The following HMCN2 variants were observed in gnomAD, a reference collection of about 807,000 sequenced individuals.
HMCN2 encodes hemicentin-2.
Under a neutral mutation model 377.5 loss-of-function variants are expected in HMCN2, and 325 were observed. That is an observed-to-expected ratio of 0.86 (90% CI 0.79 to 0.94). The LOEUF is 0.94. Among genes scored for constraint, HMCN2 ranks in the 40% least tolerant of loss-of-function variants. The pLI is 0.00. For synonymous variants in HMCN2, 2,007 were observed against 2,046.8 expected, an observed-to-expected ratio of 0.98 and a Z score of 0.53; for missense variants, 4,543 against 4,725.3, an observed-to-expected ratio of 0.96 and a Z score of 1.13.
At chr9:130,430,658 C>T in intron 95 of HMCN2, 54 bp downstream of exon 95, 2 of 1,472,398 alleles carry the variant, frequency 1.4e-6, no homozygotes, top group South Asian at 2.7e-5. Context: ...GCTCTTGGGC[C>T]CCTAGGGTGG....
chr9:130,295,679 G>A lies in HMCN2; in HGVS notation c.798G>A (p.Gln266=), dbSNP rs1457211364. Reference sequence around the variant, plus strand: ...GGGCTTCCACAGGGAGGATCCTGCAGGAGGACGAGGGCCTCAACGTGCTTC... The same window carrying A: ...GGGCTTCCACAGGGAGGATCCTGCAAGAGGACGAGGGCCTCAACGTGCTTC... ...EVQDPLGRIL[Q]EDEGLNVLLN... is the part of the protein sequence containing the mutation. Residue 266 remains glutamine, a synonymous_variant, in exon 6 of 98, where the codon CAG becomes CAA. Transcript: ENST00000683500. 4 of 470,882 alleles carry A rather than the reference G, an allele frequency of 8.5e-6. No homozygotes were observed. The highest frequency in any genetic ancestry group is 8.0e-5 in the African/African-American group (4 of 50,068). 29.2% of individuals were successfully genotyped at this position (470,882 alleles called of 1,614,324 possible).
rs1474144836 is a variant in HMCN2, at chr9:130,351,818, T to A, written c.4585+241T>A. 7.1e-6 allele frequency among the ~76,000 whole-genome samples: 1 copy of A among 141,492 alleles called. No individual in the cohort carries two copies. Among genetic ancestry groups the A allele is most frequent in the Admixed American group, 6.9e-5 (1 of 14,418 alleles). 92.8% of individuals were successfully genotyped at this position (141,492 alleles called of 152,430 possible). A position where few individuals can be genotyped will look rare whatever the true frequency, so the allele number is the denominator to read the frequency against. On this transcript the variant is annotated intron_variant, in intron 30 of 97. Coordinates refer to ENST00000683500, the MANE Select transcript of HMCN2 (RefSeq NM_001291815.2). This position sits in a 1 kb window ranked among gnomAD's most constrained non-coding sequence, Gnocchi z 5.4. ...CCCAGCTCTAAAAATTTACTACTTA[T>A]GTTTTTTTTTTGAGATGAATTCTCT...
At chr9:130,404,326 T>C (rs1171265227) in intron 80 of HMCN2, among the ~76,000 whole-genome samples, 1 of 152,184 alleles carries the variant, frequency 6.6e-6, no homozygotes, top group African/African-American at 2.4e-5. Context: ...CCCGCAGCTA[T>C]GTAGGGCTGG....
At position 130,404,898 on chromosome 9, in the gene HMCN2, G is replaced by A. The variant is rs1164499440; in HGVS notation, c.12178G>A (p.Asp4060Asn). 7.8e-7 allele frequency: 1 copy of A among 1,282,596 alleles called. No individual in the cohort carries two copies. Among genetic ancestry groups the A allele is most frequent in the Non-Finnish European group, 1.0e-6 (1 of 985,214 alleles). The allele number at this position is 1,282,596 out of a possible 1,614,324, so 79.5% of individuals were successfully genotyped here. The change falls in exon 81 of 98, where the codon GAC becomes AAC. Residue 4060 changes from aspartate to asparagine, a missense_variant. Around this residue, in one of 5 missense-constraint regions of HMCN2, gnomAD observed 1,073 missense variants for 1,319.5 expected, o/e 0.81. Coordinates refer to ENST00000683500, the MANE Select transcript of HMCN2 (RefSeq NM_001291815.2). Reference protein sequence around the residue: ...VPPVIENGLPDLSTTEGSHAF... With the variant: ...VPPVIENGLPNLSTTEGSHAF... ...ACCAGTGATCGAGAATGGCCTCCCA[G>A]ACCTGTCCACCACCGAAGGCTCCCA...
In HMCN2 at chr9:130,295,712, C is replaced by T; in HGVS notation, c.831C>T (p.Ile277=). 1 of 471,090 alleles carries T rather than the reference C, an allele frequency of 2.1e-6. No homozygotes were observed. The highest frequency in any genetic ancestry group is 4.4e-6 in the Non-Finnish European group (1 of 227,028). 29.2% of individuals were successfully genotyped at this position (471,090 alleles called of 1,614,324 possible). ...EDEGLNVLLN[I]PDSAKVVAFK... ...AGGGCCTCAACGTGCTTCTCAACAT[C>T]CCTGACTCGGCCAAGGTCGTAGCCT... The change falls in exon 6 of 98, where the codon ATC becomes ATT. Residue 277 remains isoleucine (I), a synonymous_variant. Transcript: ENST00000683500.
intron 54 of HMCN2, among the ~76,000 whole-genome samples, chr9:130,381,906 G>A (rs1382258204): frequency 6.6e-6 from 1 of 152,166 alleles, no homozygotes; most frequent in Non-Finnish European, 1.5e-5. Context: ...TTTGCCATCT[G>A]TAAGATGGGA....
chr9:130,413,074 A>G (rs1255858173), intron 85 of HMCN2, among the ~76,000 whole-genome samples: 1 of 152,032 alleles, frequency 6.6e-6, no homozygotes, highest in African/African-American at 2.4e-5. Flanking sequence ...TATTTTTGTT[A>G]AATTGATTTT....
chr9:130,387,511 G>A (rs926622940), intron 61 of HMCN2, among the ~76,000 whole-genome samples: 2 of 152,200 alleles, frequency 1.3e-5, no homozygotes, highest in African/African-American at 2.4e-5. Context: ...CAGAAGTGGT[G>A]GGCAAGCATT....
intron 81 of HMCN2, among the ~76,000 whole-genome samples, chr9:130,405,637 A>G (rs904904208): frequency 6.6e-6 from 1 of 152,236 alleles, no homozygotes; most frequent in African/African-American, 2.4e-5. Flanking sequence ...TGGGCCCTCT[A>G]TCAGGGCACC....
intron 82 of HMCN2, 132 bp downstream of exon 82, chr9:130,406,300 C>T (rs1234418229): frequency 6.8e-6 from 5 of 734,144 alleles, no homozygotes; most frequent in Non-Finnish European, 1.0e-5. Flanking sequence ...TCTGGGTCTT[C>T]CAACGTGGCC....
chr9:130,385,420 C>T, intron 59 of HMCN2, 140 bp from the exon 60 acceptor site: 1 of 422,346 alleles, frequency 2.4e-6, no homozygotes, highest in Non-Finnish European at 4.3e-6. Context: ...CTTCCTCCAC[C>T]TCCCCTGGGT....
chr9:130,353,271 G>C, intron 31 of HMCN2, 66 bp downstream of exon 31: 1 of 1,261,490 alleles, frequency 7.9e-7, no homozygotes, highest in African/African-American at 1.5e-5. Flanking sequence ...GGTGGCCCCT[G>C]CCTGTCTCCA....
Position 130,364,884 on chromosome 9 carries a change from C to T in HMCN2, c.6403C>T (p.Leu2135=), listed in dbSNP as rs1588317193. 3.0e-6 allele frequency: 3 copies of T among 985,894 alleles called. No homozygotes were observed. In the East Asian group the frequency reaches 3.4e-4, roughly 112 times the overall value. The allele number at this position is 985,894 out of a possible 1,614,324, so 61.1% of individuals were successfully genotyped here. A position where few individuals can be genotyped will look rare whatever the true frequency, so the allele number is the denominator to read the frequency against. The change falls in exon 41 of 98, where the codon CTG becomes TTG. Residue 2135 remains leucine (L), a synonymous_variant. Transcript: ENST00000683500. ...GVHLSADKAL[L]QVDRADVWDA... Reference sequence around the variant, plus strand: ...CCACCTCTCCGCAGACAAAGCCTTGCTGCAGGTGTGCAGGCCCCTGGCCAG... The same window carrying T: ...CCACCTCTCCGCAGACAAAGCCTTGTTGCAGGTGTGCAGGCCCCTGGCCAG...
intron 89 of HMCN2, 28 bp from the exon 90 acceptor site, chr9:130,425,659 T>TCCTCCCCC: frequency 2.7e-6 from 1 of 373,320 alleles, no homozygotes; most frequent in Non-Finnish European, 4.8e-6. Flanking sequence ...CCACCCCTCC[T>TCCTCCCCC]CCTCCTCCCC....
Position 130,361,987 on chromosome 9 carries a change from C to G in HMCN2, c.5951-21C>G. On this transcript the variant is annotated intron_variant, in intron 38 of 97. Transcript: ENST00000683500. The surrounding 1 kb of genome is among the most constrained non-coding windows in gnomAD (Gnocchi z 4.8). ...CCCCAGTGGGGCTCAGCCTGTACCC[C>G]ATGTCACCCCTGCCCTGCAGTGCCC... The G allele has an allele frequency of 1.0e-6, 1 of 986,022 alleles. No individual in the cohort carries two copies. The highest frequency in any genetic ancestry group is 1.2e-6 in the Non-Finnish European group (1 of 830,028). 61.1% of individuals were successfully genotyped at this position (986,022 alleles called of 1,614,324 possible). A position where few individuals can be genotyped will look rare whatever the true frequency, so the allele number is the denominator to read the frequency against.
intron 21 of HMCN2, among the ~76,000 whole-genome samples, 186 bp downstream of exon 21, chr9:130,326,156 C>G (rs1281469508): frequency 6.6e-6 from 1 of 152,168 alleles, no homozygotes; most frequent in Non-Finnish European, 1.5e-5. Context: ...TGCCCCAGAC[C>G]CTCTGGTCTC....
At chr9:130,401,114 T>G (rs1335968805) in intron 77 of HMCN2, among the ~76,000 whole-genome samples, 167 bp downstream of exon 77, 8 of 152,170 alleles carry the variant, frequency 5.3e-5, no homozygotes, top group African/African-American at 1.7e-4. Context: ...GAGCTCCATA[T>G]TCTCCTCCAT....
At position 130,433,365 on chromosome 9, in the gene HMCN2, G is replaced by A. The variant is rs1410666926; in HGVS notation, c.14912G>A (p.Cys4971Tyr). 1 of 1,467,336 alleles carries A rather than the reference G, an allele frequency of 6.8e-7. No individual in the cohort carries two copies. Among genetic ancestry groups the A allele is most frequent in the African/African-American group, 1.5e-5 (1 of 67,920 alleles). 90.9% of individuals were successfully genotyped at this position (1,467,336 alleles called of 1,614,324 possible). Residue 4971 changes from cysteine (C) to tyrosine (Y), a missense_variant, in exon 98 of 98, where the codon TGC becomes TAC. Physicochemically the swap from Cys to Tyr is radical, Grantham distance 194 (BLOSUM62 -2). Coordinates refer to ENST00000683500, the MANE Select transcript of HMCN2 (RefSeq NM_001291815.2). Reference sequence around the variant, plus strand: ...GCCCGCAGGACGTGCTTCCGGCGCTGCTCGCAGGACTGCGGCACGGGCGGC... The same window carrying A: ...GCCCGCAGGACGTGCTTCCGGCGCTACTCGCAGGACTGCGGCACGGGCGGC... The part of the protein sequence containing the change: ...GPSPGTCFRR[C>Y]SQDCGTGGPS...
Position 130,360,562 on chromosome 9 carries a change from G to A in HMCN2, c.5908G>A (p.Val1970Met), listed in dbSNP as rs955215338. The A allele has an allele frequency of 2.3e-6, 3 of 1,304,158 alleles. No individual in the cohort carries two copies. Among genetic ancestry groups the A allele is most frequent in the Non-Finnish European group, 3.0e-6 (3 of 988,880 alleles). 80.8% of individuals were successfully genotyped at this position (1,304,158 alleles called of 1,614,324 possible). Residue 1970 changes from valine (V) to methionine (M), a missense_variant, in exon 38 of 98, where the codon GTG becomes ATG. Physicochemically the swap from Val to Met is conservative, Grantham distance 21. This residue lies in a region of HMCN2 where 1,032 missense variants were observed against 1,285.1 expected (regional missense o/e 0.80). Coordinates refer to ENST00000683500, the MANE Select transcript of HMCN2 (RefSeq NM_001291815.2). This position sits in a 1 kb window ranked among gnomAD's most constrained non-coding sequence, Gnocchi z 4.7. The part of the protein sequence containing the change: ...AGSYRCVASN[V>M]AGSTELRYGL... The stretch of plus-strand genomic sequence containing the variant: ...GAGCTACCGCTGTGTGGCATCCAAT[G>A]TGGCAGGTAGCACAGAGCTGCGGTA...
Sources: allele counts gnomAD v4.1 joint callset (sites outside exome capture counted in the v4.1 genomes callset), GRCh38; gene constraint gnomAD v4.1.1; regional missense constraint gnomAD v4.1.1; non-coding constraint Gnocchi (gnomAD v3.1); transcripts MANE v1.5; gene names NCBI Gene and HGNC (gene_info 2026-07-23, HGNC 2026-07-21).